KDM4C: variants seen among roughly 807,000 people sequenced by gnomAD.
KDM4C encodes lysine demethylase 4C.
Under a neutral mutation model 129.3 loss-of-function variants are expected in KDM4C, and 81 were observed. The observed-to-expected ratio is 0.63, with a 90% CI of 0.52 to 0.75. KDM4C has a LOEUF of 0.75. KDM4C is among the 30% of genes least tolerant of loss of function. The pLI, the probability that KDM4C is intolerant of heterozygous loss-of-function variation, is 0.00. For missense variants in KDM4C, 1,457 were observed against 1,304.0 expected, an observed-to-expected ratio of 1.12 and a Z score of -1.81; for synonymous variants, 573 against 456.1, an observed-to-expected ratio of 1.26 and a Z score of -3.26.
intron 1 of KDM4C, among the ~76,000 whole-genome samples, chr9:6,780,511 A>G (rs1824102085): frequency 6.6e-6 from 1 of 151,934 alleles, no homozygotes; most frequent in Non-Finnish European, 1.5e-5. Context: ...TCACACCTGT[A>G]ATCCCAGCAC....
chr9:6,827,051 A>G (rs1370386378), intron 4 of KDM4C, among the ~76,000 whole-genome samples: 2 of 152,194 alleles, frequency 1.3e-5, no homozygotes, highest in African/African-American at 2.4e-5. Context: ...GTGGGTGGCC[A>G]GATCGCTGCT....
At chr9:6,996,101 T>C (rs780917448) in intron 12 of KDM4C, among the ~76,000 whole-genome samples, 1 of 152,230 alleles carries the variant, frequency 6.6e-6, no homozygotes, top group Non-Finnish European at 1.5e-5. Flanking sequence ...ACCCATGAGG[T>C]AATTAATTTC....
At chr9:6,986,802 T>A (rs1320127937) in intron 11 of KDM4C, 136 bp downstream of exon 11, 2 of 631,040 alleles carry the variant, frequency 3.2e-6, no homozygotes, top group Non-Finnish European at 5.3e-6. Flanking sequence ...TTAATCATAT[T>A]CATTCAATAA....
chr9:6,943,057 C>T (rs959638128), intron 8 of KDM4C, among the ~76,000 whole-genome samples: 23 of 151,900 alleles, frequency 1.5e-4, no homozygotes, highest in African/African-American at 3.6e-4. Flanking sequence ...TTTGTAGAGA[C>T]GAGGTCTTGC....
In KDM4C at chr9:6,927,708, A is replaced by T. The variant is rs551368348; in HGVS notation, c.921+34476A>T. Among the ~76,000 whole-genome samples, 11 of 152,200 alleles carry T rather than the reference A, an allele frequency of 7.2e-5. No homozygotes were observed. In the East Asian group the frequency reaches 1.9e-3, roughly 27 times the overall value. ...ACTTTGTTTTTTCATCTACGTATCAACCCTCCACACAAGTGAACATGTCTC... is the reference window on the plus strand; with the variant it reads ...ACTTTGTTTTTTCATCTACGTATCATCCCTCCACACAAGTGAACATGTCTC... On this transcript the variant is annotated intron_variant, in intron 8 of 21. Coordinates refer to ENST00000381309, the MANE Select transcript of KDM4C (RefSeq NM_015061.6).
At chr9:6,820,283 A>C (rs747049210) in intron 4 of KDM4C, among the ~76,000 whole-genome samples, 2 of 152,108 alleles carry the variant, frequency 1.3e-5, no homozygotes, top group Non-Finnish European at 2.9e-5. Flanking sequence ...AAGGAGAGAG[A>C]GTGAAAGGTG....
chr9:6,988,655 G>GTCATCCATCCATCCAT (rs55955234), intron 11 of KDM4C, among the ~76,000 whole-genome samples: 35 of 149,244 alleles, frequency 2.3e-4, no homozygotes, highest in African/African-American at 7.2e-4. Context: ...ATTTTTTAAA[G>GTCATCCATCCATCCAT]CCATCCATCC....
intron 4 of KDM4C, among the ~76,000 whole-genome samples, chr9:6,844,534 T>C (rs1837514733): frequency 6.6e-6 from 1 of 152,214 alleles, no homozygotes; most frequent in Non-Finnish European, 1.5e-5. Context: ...CAAACAAGCT[T>C]CCGTGGTCAA....
Position 7,036,426 on chromosome 9 carries a change from CCAGTCTT to C in KDM4C, c.2260-10435_2260-10429del, listed in dbSNP as rs1461458419. Among the ~76,000 whole-genome samples, 6 of 152,244 alleles carry C rather than the reference CCAGTCTT, an allele frequency of 3.9e-5. No individual in the cohort carries two copies. The East Asian group carries it at 7.7e-4, about 20-fold the overall frequency. ...TAAGCTCCATGTAGAGTACTTCTGACCAGTCTTACATGTTTCTTGCCACTTAATATGT... is the reference window on the plus strand; with the variant it reads ...TAAGCTCCATGTAGAGTACTTCTGACACATGTTTCTTGCCACTTAATATGT... On this transcript the variant is annotated intron_variant, in intron 15 of 21. Transcript: ENST00000381309.
intron 1 of KDM4C, among the ~76,000 whole-genome samples, chr9:6,785,861 T>C (rs1825374937): frequency 6.6e-6 from 1 of 152,226 alleles, no homozygotes; most frequent in African/African-American, 2.4e-5. Context: ...GCTTGGCTCC[T>C]GTGAGGCCAC....
chr9:7,068,224 C>T (rs1403321340), intron 17 of KDM4C, among the ~76,000 whole-genome samples: 1 of 152,166 alleles, frequency 6.6e-6, no homozygotes, highest in Non-Finnish European at 1.5e-5. Context: ...ATATGTGAAT[C>T]TGTTTTATAA....
At chr9:7,012,266 A>G (rs986682082) in intron 13 of KDM4C, among the ~76,000 whole-genome samples, 9 of 152,086 alleles carry the variant, frequency 5.9e-5, no homozygotes, top group African/African-American at 1.9e-4. Flanking sequence ...TTTTGTAGCG[A>G]CTGGGTCTTA....
intron 1 of KDM4C, among the ~76,000 whole-genome samples, chr9:6,730,800 C>T (rs1413506247): frequency 2.0e-5 from 3 of 152,092 alleles, no homozygotes; most frequent in Admixed American, 6.6e-5. Flanking sequence ...TAAGTGGATT[C>T]GTTACAGCTC....
intron 5 of KDM4C, among the ~76,000 whole-genome samples, chr9:6,875,512 T>C (rs889236171): frequency 3.3e-5 from 5 of 152,164 alleles, no homozygotes; most frequent in Non-Finnish European, 7.3e-5. Flanking sequence ...GAAGTAATCT[T>C]AGAAATGTAA....
upstream of KDM4C, chr9:6,757,713 C>A (rs1444927457): frequency 8.1e-6 from 8 of 985,460 alleles, no homozygotes; most frequent in Non-Finnish European, 8.4e-6. Flanking sequence ...CTGCGGGACC[C>A]CAGCCAGCGC....
chr9:7,136,765 C>T (rs904008458), intron 19 of KDM4C, among the ~76,000 whole-genome samples: 5 of 152,080 alleles, frequency 3.3e-5, no homozygotes, highest in African/African-American at 7.2e-5. Context: ...TCTCCTGGTT[C>T]GTGTCTTGTT....
chr9:7,081,935 G>A (rs1380559301), intron 17 of KDM4C, among the ~76,000 whole-genome samples: 1 of 152,142 alleles, frequency 6.6e-6, no homozygotes, highest in Admixed American at 6.5e-5. Context: ...CAGGAACCCA[G>A]AGAGCTAGTT....
chr9:6,746,417 C>T (rs1425652776), intron 1 of KDM4C, among the ~76,000 whole-genome samples: 3 of 150,620 alleles, frequency 2.0e-5, no homozygotes, highest in African/African-American at 4.9e-5. Flanking sequence ...TACAGGCGCT[C>T]GCCACAACGC....
At chr9:6,802,864 C>G (rs1280284950) in intron 2 of KDM4C, among the ~76,000 whole-genome samples, 1 of 152,252 alleles carries the variant, frequency 6.6e-6, no homozygotes, top group Non-Finnish European at 1.5e-5. Flanking sequence ...ACCTTGGCCT[C>G]CCAAAGTGCT....
Sources: allele counts gnomAD v4.1 joint callset (sites outside exome capture counted in the v4.1 genomes callset), GRCh38; gene constraint gnomAD v4.1.1; transcripts MANE v1.5; gene names NCBI Gene and HGNC (gene_info 2026-07-23, HGNC 2026-07-21).